Variants in ADGRL2 observed in about 807,000 individuals in gnomAD.
The protein encoded by ADGRL2 is calcium-independent alpha-latrotoxin receptor 2.
ADGRL2 carries 44 observed loss-of-function variants against 157.4 expected under a neutral mutation model. The observed-to-expected ratio is 0.28, with a 90% CI of 0.22 to 0.36. The LOEUF is 0.36. ADGRL2 is among the 10% of genes least tolerant of loss of function. The probability of loss-of-function intolerance (pLI) is 1.00; values close to 1 mark genes in which losing one functional copy is unlikely to be tolerated. For missense variants in ADGRL2, 1,510 were observed against 1,768.9 expected, an observed-to-expected ratio of 0.85 and a Z score of 2.63; for synonymous variants, 585 against 624.7, an observed-to-expected ratio of 0.94 and a Z score of 0.95.
chr1:81,878,558 A>G (rs1206208020), intron 2 of ADGRL2, among the ~76,000 whole-genome samples: 1 of 152,136 alleles, frequency 6.6e-6, no homozygotes, highest in Non-Finnish European at 1.5e-5. Flanking sequence ...GAGGACATTT[A>G]TTCATTACTT....
At chr1:81,925,008 A>C (rs2095071038) in intron 3 of ADGRL2, among the ~76,000 whole-genome samples, 1 of 152,096 alleles carries the variant, frequency 6.6e-6, no homozygotes. Context: ...CTTGTATGAA[A>C]ATTCCTGAGG....
chr1:81,798,321 A>G (rs2087696338), upstream of ADGRL2, among the ~76,000 whole-genome samples: 1 of 152,160 alleles, frequency 6.6e-6, no homozygotes. Context: ...ATCTAGCAAT[A>G]TAATTAAACA....
At chr1:81,656,444 C>T (rs1351535679) in intron 3 of ADGRL2, among the ~76,000 whole-genome samples, 2 of 152,064 alleles carry the variant, frequency 1.3e-5, no homozygotes, top group East Asian at 3.9e-4. Context: ...ACATTTTTGC[C>T]CACCACTAAC....
intron 2 of ADGRL2, among the ~76,000 whole-genome samples, chr1:81,555,265 CTTTTTT>C (rs71666308): frequency 1.7e-5 from 2 of 115,946 alleles, no homozygotes; most frequent in African/African-American, 3.3e-5. Context: ...TATTTCTTTT[CTTTTTT>C]TTTTTTTTTT....
intron 1 of ADGRL2, among the ~76,000 whole-genome samples, chr1:81,430,863 CA>C (rs2077307248): frequency 6.6e-6 from 1 of 152,216 alleles, no homozygotes; most frequent in Admixed American, 6.5e-5. Context: ...AATGCACTCC[CA>C]AGTATTTATT....
chr1:81,455,142 A>G (rs1006727382), intron 2 of ADGRL2, among the ~76,000 whole-genome samples: 1 of 152,226 alleles, frequency 6.6e-6, no homozygotes, highest in Non-Finnish European at 1.5e-5. Flanking sequence ...GAACTTGATC[A>G]TAAAGTTGAA....
At chr1:81,356,258 A>G (rs142794760) in intron 1 of ADGRL2, among the ~76,000 whole-genome samples, 214 of 152,374 alleles carry the variant, frequency 1.4e-3, no homozygotes, top group African/African-American at 5.0e-3. Flanking sequence ...TGAAACGCAC[A>G]TAAAATTTCA....
chr1:81,902,716 G>C (rs1396453214), intron 2 of ADGRL2, among the ~76,000 whole-genome samples: 1 of 152,152 alleles, frequency 6.6e-6, no homozygotes, highest in East Asian at 1.9e-4. Context: ...AATGAGGCAT[G>C]TCTGACCACC....
chr1:81,367,927 T>C (rs998865312), intron 1 of ADGRL2, among the ~76,000 whole-genome samples: 2 of 152,222 alleles, frequency 1.3e-5, no homozygotes, highest in African/African-American at 2.4e-5. Flanking sequence ...CAGTCTATCA[T>C]TGATGGGCAT....
At chr1:81,335,918 A>G (rs1033286995) in intron 1 of ADGRL2, among the ~76,000 whole-genome samples, 15 of 152,176 alleles carry the variant, frequency 9.9e-5, no homozygotes, top group African/African-American at 7.2e-5. Flanking sequence ...TGCAGTGCTT[A>G]GTGGAAAATT....
intron 1 of ADGRL2, among the ~76,000 whole-genome samples, chr1:81,327,085 C>T (rs1660954392): frequency 6.6e-6 from 1 of 152,136 alleles, no homozygotes; most frequent in South Asian, 2.1e-4. Flanking sequence ...TCAGGACATA[C>T]ACTTATGTCC....
At chr1:81,945,216 T>G (rs527892428) in intron 6 of ADGRL2, among the ~76,000 whole-genome samples, 1 of 152,210 alleles carries the variant, frequency 6.6e-6, no homozygotes, top group African/African-American at 2.4e-5. Context: ...TTTCAATTGT[T>G]TTTCCAAAAG....
intron 1 of ADGRL2, among the ~76,000 whole-genome samples, chr1:81,817,345 G>A (rs984891047): frequency 1.3e-5 from 2 of 151,386 alleles, no homozygotes; most frequent in African/African-American, 2.4e-5. Context: ...CAGAAGCTAA[G>A]TCTTATCTTT....
chr1:81,727,864 A>G (rs749582615), intron 1 of ADGRL2, among the ~76,000 whole-genome samples: 2 of 152,050 alleles, frequency 1.3e-5, no homozygotes, highest in Non-Finnish European at 2.9e-5. Flanking sequence ...TAAAAAGGTT[A>G]TGGACTTTTT....
intron 6 of ADGRL2, among the ~76,000 whole-genome samples, chr1:81,947,631 A>G (rs565222466): frequency 5.9e-4 from 90 of 152,320 alleles, no homozygotes; most frequent in African/African-American, 2.1e-3. Context: ...ATCAACGTAC[A>G]CTTTTATCAT....
At position 81,837,263 on chromosome 1, in the gene ADGRL2, T is replaced by C. The variant is rs567675287; in HGVS notation, c.73+206T>C. Reference sequence around the variant, plus strand: ...AGAAAGTGCTAGATATGTGAATTTATATTTTACGTGCATTTATGAAATATA... The same window carrying C: ...AGAAAGTGCTAGATATGTGAATTTACATTTTACGTGCATTTATGAAATATA... On this transcript the variant is annotated intron_variant, in intron 2 of 23. Coordinates refer to ENST00000686636, the MANE Select transcript of ADGRL2 (RefSeq NM_001366006.2). Among the ~76,000 whole-genome samples, 10 of 152,180 alleles carry C rather than the reference T, an allele frequency of 6.6e-5. No individual in the cohort carries two copies. The South Asian group carries it at 2.1e-3, about 31-fold the overall frequency.
At chr1:81,493,873 G>C (rs371365181) in intron 2 of ADGRL2, among the ~76,000 whole-genome samples, 1 of 152,172 alleles carries the variant, frequency 6.6e-6, no homozygotes, top group South Asian at 2.1e-4. Context: ...GCTTACTTGG[G>C]GAGAGGGCTT....
At chr1:81,901,105 A>G (rs994058540) in intron 2 of ADGRL2, among the ~76,000 whole-genome samples, 1 of 152,216 alleles carries the variant, frequency 6.6e-6, no homozygotes, top group Non-Finnish European at 1.5e-5. Context: ...TTTAAAATGT[A>G]TAGTTTTCAA....
At chr1:81,453,517 G>A (rs1020877846) in intron 2 of ADGRL2, among the ~76,000 whole-genome samples, 3 of 152,054 alleles carry the variant, frequency 2.0e-5, no homozygotes, top group African/African-American at 7.2e-5. Context: ...CCTAGAGAGA[G>A]AAGAAAAGAG....
Sources: gnomAD v4.1 joint callset for allele counts (sites outside exome capture counted in the v4.1 genomes callset) on GRCh38, gnomAD v4.1.1 for gene constraint, MANE v1.5 for transcripts, NCBI Gene and HGNC (gene_info 2026-07-23, HGNC 2026-07-21) for gene names.